Variants in ABCG1 observed in about 807,000 individuals in gnomAD.
ABCG1 encodes ATP binding cassette subfamily G member 1, also known as ATP-binding cassette sub-family G member 1.
Under a neutral mutation model 69.2 loss-of-function variants are expected in ABCG1, and 29 were observed. That is an observed-to-expected ratio of 0.42 (90% CI 0.31 to 0.57). The LOEUF (loss-of-function observed/expected upper bound fraction) is 0.57, where lower values mean the gene tolerates loss of function less well. Ranked by LOEUF, ABCG1 falls within the 20% of genes least tolerant of loss-of-function variation. The pLI is 0.15. For synonymous variants in ABCG1, 370 were observed against 374.8 expected, an observed-to-expected ratio of 0.99 and a Z score of 0.15; for missense variants, 718 against 898.1, an observed-to-expected ratio of 0.80 and a Z score of 2.56.
chr21:42,275,178 C>A (rs2068688123), intron 4 of ABCG1, among the ~76,000 whole-genome samples: 1 of 152,204 alleles, frequency 6.6e-6, no homozygotes, highest in African/African-American at 2.4e-5. Flanking sequence ...CAAAGAGAAG[C>A]AGGTTACGTT....
intron 13 of ABCG1, among the ~76,000 whole-genome samples, chr21:42,292,856 ACACCACACTACACACTACC>A: frequency 7.0e-6 from 1 of 143,050 alleles, no homozygotes; most frequent in African/African-American, 2.6e-5. Context: ...TACACACTGC[ACACCACACTACACACTACC>A]CACCACACAC....
At position 42,202,642 on chromosome 21, in the gene ABCG1, C is replaced by T. The variant is rs372882866; in HGVS notation, c.48+919C>T. Among the ~76,000 whole-genome samples, 75 of 151,392 alleles carry T rather than the reference C, an allele frequency of 5.0e-4. 1 individual carries two copies. Among genetic ancestry groups the T allele is most frequent in the South Asian group, 4.4e-3 (21 of 4,798 alleles). ...TTTTTTTTCGTTTGAGACAAGGTCT[C>T]GCTCTGTCACCCAGGCTGAAGTACA... On this transcript the variant is annotated intron_variant, in intron 2 of 15. Coordinates refer to the ABCG1 transcript ENST00000398457.
intron 2 of ABCG1, among the ~76,000 whole-genome samples, chr21:42,207,608 T>C (rs2067553219): frequency 6.6e-6 from 1 of 152,250 alleles, no homozygotes; most frequent in South Asian, 2.1e-4. Flanking sequence ...TTGGCTTCTC[T>C]GACATCACTG....
At chr21:42,290,016 G>A (rs367666623) in intron 10 of ABCG1, 34 bp from the exon 11 acceptor site, 55 of 1,614,060 alleles carry the variant, frequency 3.4e-5, no homozygotes, top group Non-Finnish European at 4.1e-5. Context: ...ACGGCTTTGC[G>A]AACGCACTGG....
At chr21:42,286,554 G>A (rs535050365) in intron 8 of ABCG1, among the ~76,000 whole-genome samples, 3 of 152,360 alleles carry the variant, frequency 2.0e-5, no homozygotes, top group East Asian at 1.9e-4. Flanking sequence ...GAGACAGGGC[G>A]AGGGTTGCAG....
In ABCG1 at chr21:42,279,611, A is replaced by T. The variant is rs1028567983; in HGVS notation, c.589-2663A>T. Among the ~76,000 whole-genome samples, 5 of 152,184 alleles carry T rather than the reference A, an allele frequency of 3.3e-5. No homozygotes were observed. The East Asian group carries it at 9.6e-4, about 29-fold the overall frequency. On this transcript the variant is annotated intron_variant, in intron 5 of 14. Transcript: ENST00000398449. Reference sequence around the variant, plus strand: ...GGTTTCTTTAAGGTCTCTGAGCTCGATGGAGCCCATGTGATCCATATGGGA... The same window carrying T: ...GGTTTCTTTAAGGTCTCTGAGCTCGTTGGAGCCCATGTGATCCATATGGGA...
intron 2 of ABCG1, among the ~76,000 whole-genome samples, chr21:42,254,985 A>C (rs1240438231): frequency 6.6e-6 from 1 of 152,174 alleles, no homozygotes; most frequent in Non-Finnish European, 1.5e-5. Context: ...AGACTTGGAG[A>C]TCATTTGGCA....
chr21:42,283,713 A>ACC (rs1491457810), intron 6 of ABCG1, among the ~76,000 whole-genome samples: 1 of 17,342 alleles, frequency 5.8e-5, no homozygotes, highest in Non-Finnish European at 1.1e-4. Context: ...GTTGTGAAGT[A>ACC]CCACCCACCA....
Position 42,219,924 on chromosome 21 carries a change from G to T in ABCG1, c.42+620G>T. On this transcript the variant is annotated intron_variant, in intron 1 of 14. Transcript: ENST00000398449. The surrounding 1 kb of genome is among the most constrained non-coding windows in gnomAD (Gnocchi z 5.3). ...CGAGGGGCAAGCCCGGATTCCTGCC[G>T]GCCGCCTTTCTGCGCGCGCCGGAGA... 6.4e-7 allele frequency: 1 copy of T among 1,550,460 alleles called. No homozygotes were observed.
intron 2 of ABCG1, among the ~76,000 whole-genome samples, chr21:42,235,690 G>A (rs540449105): frequency 1.3e-5 from 2 of 152,368 alleles, no homozygotes; most frequent in Admixed American, 1.3e-4. Context: ...ATACGGGGCT[G>A]TGGGGACCTA....
intron 6 of ABCG1, among the ~76,000 whole-genome samples, chr21:42,283,441 G>T (rs958421687): frequency 6.6e-6 from 1 of 152,212 alleles, no homozygotes; most frequent in African/African-American, 2.4e-5. Context: ...GATCTGAGGG[G>T]CTAGGAAAGG....
intron 6 of ABCG1, among the ~76,000 whole-genome samples, chr21:42,284,135 G>A (rs1232492): frequency 1.2e-3 from 1 of 814 alleles, no homozygotes. Context: ...GGACAGTTGC[G>A]AAGTCCCCCC....
In ABCG1 at chr21:42,285,461, G is replaced by A. The variant is rs372154485; in HGVS notation, c.859-419G>A. On this transcript the variant is annotated intron_variant, in intron 7 of 14. Transcript: ENST00000398449. Reference sequence around the variant, plus strand: ...GTGGAGGCTGCACTGAGCCAAGATCGTGCCACTGCACTCCAGCCTGGGCAA... The same window carrying A: ...GTGGAGGCTGCACTGAGCCAAGATCATGCCACTGCACTCCAGCCTGGGCAA... Among the ~76,000 whole-genome samples, 7 of 151,758 alleles carry A rather than the reference G, an allele frequency of 4.6e-5. No individual in the cohort carries two copies. The South Asian group carries it at 6.2e-4, about 14-fold the overall frequency.
At chr21:42,216,593 AG>A (rs1482537009), upstream of ABCG1, among the ~76,000 whole-genome samples, 1 of 152,174 alleles carries the variant, frequency 6.6e-6, no homozygotes. Context: ...ATGCAGAGAC[AG>A]CCTGCCAGAG....
intron 2 of ABCG1, among the ~76,000 whole-genome samples, chr21:42,250,246 A>G (rs528072848): frequency 6.6e-6 from 1 of 152,272 alleles, no homozygotes; most frequent in African/African-American, 2.4e-5. Flanking sequence ...GGCACATCCC[A>G]TTGAAGCCAT....
chr21:42,282,873 G>A (rs1031192767), intron 6 of ABCG1, among the ~76,000 whole-genome samples: 17 of 152,216 alleles, frequency 1.1e-4, no homozygotes, highest in African/African-American at 2.4e-4. Flanking sequence ...ACCCACGGGC[G>A]CTCTGACCCC....
intron 2 of ABCG1, among the ~76,000 whole-genome samples, chr21:42,269,275 C>T (rs899585550): frequency 2.6e-5 from 4 of 152,152 alleles, no homozygotes; most frequent in Non-Finnish European, 5.9e-5. Context: ...CCTGGGTGCC[C>T]GAAGTGCCGC....
intron 5 of ABCG1, among the ~76,000 whole-genome samples, chr21:42,278,898 C>T (rs772457755): frequency 5.9e-5 from 9 of 152,070 alleles, no homozygotes; most frequent in Non-Finnish European, 1.3e-4. Flanking sequence ...CCCCCCAGTC[C>T]TGGGCCCTCC....
chr21:42,241,862 C>T lies in ABCG1; in HGVS notation c.286+15948C>T, dbSNP rs79432021. Among the ~76,000 whole-genome samples, 76 of 150,458 alleles carry T rather than the reference C, an allele frequency of 5.1e-4. No homozygotes were observed. In the East Asian group the frequency reaches 0.014, roughly 28 times the overall value. Reference sequence around the variant, plus strand: ...CAGGCATGGGGCATGCCTGTGGCCCCAGTTACTTGGGAGGCTGAGGTGGGA... The same window carrying T: ...CAGGCATGGGGCATGCCTGTGGCCCTAGTTACTTGGGAGGCTGAGGTGGGA... On this transcript the variant is annotated intron_variant, in intron 2 of 14. Transcript: ENST00000398449.
Sources: allele counts gnomAD v4.1 joint callset (sites outside exome capture counted in the v4.1 genomes callset), GRCh38; gene constraint gnomAD v4.1.1; non-coding constraint Gnocchi (gnomAD v3.1); transcripts MANE v1.5; gene names NCBI Gene and HGNC (gene_info 2026-07-23, HGNC 2026-07-21).